The following FRMD8 variants were observed in gnomAD, a reference collection of about 807,000 sequenced individuals.
FRMD8 encodes the protein FERM domain containing 8, also known as FERM domain-containing protein 8.
In FRMD8, 37 loss-of-function variants were observed where a neutral mutation model predicts 54.2. That is an observed-to-expected ratio of 0.68 (90% CI 0.53 to 0.90). FRMD8 has a LOEUF of 0.90. Among genes scored for constraint, FRMD8 ranks in the 40% least tolerant of loss-of-function variants. The pLI is 0.00. For missense variants in FRMD8, 585 were observed against 653.7 expected, an observed-to-expected ratio of 0.89 and a Z score of 1.15; for synonymous variants, 246 against 286.9, an observed-to-expected ratio of 0.86 and a Z score of 1.44.
At chr11:65,407,778 T>G (rs1489437672) in intron 10 of FRMD8, among the ~76,000 whole-genome samples, 1 of 150,686 alleles carries the variant, frequency 6.6e-6, no homozygotes, top group African/African-American at 2.4e-5. Flanking sequence ...GTGCCTGTAG[T>G]CCCAGCTACT....
At chr11:65,374,943 G>A in the FRMD8 span, among the ~76,000 whole-genome samples, 1 of 151,458 alleles carries the variant, frequency 6.6e-6, no homozygotes, top group Non-Finnish European at 1.5e-5. Context: ...CTCCAGCCTG[G>A]GCAACAGAGT....
rs1855747459 is a variant in FRMD8, at chr11:65,387,061, G to A, written c.25G>A (p.Gly9Arg). The change falls in exon 2 of 11, where the codon GGG becomes AGG. Residue 9 changes from glycine to arginine, a missense_variant. Coordinates refer to ENST00000317568, the MANE Select transcript of FRMD8 (RefSeq NM_031904.5). ...GATGGACGGGACAGAAGGCAGTGCC[G>A]GGCAGCCCGGCCCCGCTGAGCGATC... MDGTEGSA[G>R]QPGPAERSHR... 1 of 1,609,268 alleles carries A rather than the reference G, an allele frequency of 6.2e-7. No individual in the cohort carries two copies.
intron 9 of FRMD8, among the ~76,000 whole-genome samples, chr11:65,403,518 C>T (rs1473921837): frequency 2.6e-5 from 4 of 152,198 alleles, no homozygotes; most frequent in African/African-American, 4.8e-5. Context: ...GTCGTGTGGT[C>T]TGTGAGTTGG....
At chr11:65,397,729 T>G (rs992957550) in intron 7 of FRMD8, among the ~76,000 whole-genome samples, 1 of 152,120 alleles carries the variant, frequency 6.6e-6, no homozygotes, top group Non-Finnish European at 1.5e-5. Context: ...GTTTTTGTTT[T>G]GAGACAGGGT....
chr11:65,389,802 A>G (rs1207571494), intron 3 of FRMD8, among the ~76,000 whole-genome samples: 1 of 152,076 alleles, frequency 6.6e-6, no homozygotes. Flanking sequence ...GTGGTCCAGG[A>G]ACAGTACCGC....
intron 6 of FRMD8, among the ~76,000 whole-genome samples, chr11:65,395,894 C>G (rs984246070): frequency 6.6e-6 from 1 of 152,106 alleles, no homozygotes; most frequent in Non-Finnish European, 1.5e-5. Flanking sequence ...GGTGGGGGCT[C>G]TTTGTTCGGC....
chr11:65,376,033 G>T, the FRMD8 span: 1 of 218,634 alleles, frequency 4.6e-6, no homozygotes, highest in South Asian at 6.7e-5. Flanking sequence ...TCACGCCACT[G>T]CATTCCAGCC....
chr11:65,379,939 C>T, the FRMD8 span: 4 of 1,614,200 alleles, frequency 2.5e-6, no homozygotes, highest in Non-Finnish European at 8.5e-7. Flanking sequence ...GCAGCCTCAC[C>T]TGGGTGGGAG....
chr11:65,382,090 G>A (rs148841314), upstream of FRMD8: 12,105 of 767,800 alleles, frequency 0.016, 149 homozygotes, highest in South Asian at 0.027. This position sits in a 1 kb window ranked among gnomAD's most constrained non-coding sequence, Gnocchi z 4.4. Context: ...CTGGTGCCCA[G>A]ACCTCCGGCA....
chr11:65,406,589 A>G (rs1167836506), intron 10 of FRMD8, among the ~76,000 whole-genome samples: 1 of 151,620 alleles, frequency 6.6e-6, no homozygotes, highest in South Asian at 2.1e-4. Context: ...TGGCCTCCCA[A>G]AGTGCTGGGA....
At chr11:65,371,726 T>C in the FRMD8 span, among the ~76,000 whole-genome samples, 1 of 152,232 alleles carries the variant, frequency 6.6e-6, no homozygotes, top group African/African-American at 2.4e-5. Flanking sequence ...GTGATTCTCC[T>C]GCCTCAGCCT....
chr11:65,404,143 AC>A lies in FRMD8; in HGVS notation c.1072-718del, dbSNP rs1267342525. ...CTCCGCAGGGCCACTCCAGCATCTGACCCAGCCCCACCAGTCAGGAGCACAG... is the reference window on the plus strand; with the variant it reads ...CTCCGCAGGGCCACTCCAGCATCTGACCAGCCCCACCAGTCAGGAGCACAG... On this transcript the variant is annotated intron_variant, in intron 9 of 10. Coordinates refer to ENST00000317568, the MANE Select transcript of FRMD8 (RefSeq NM_031904.5). This position sits in a 1 kb window ranked among gnomAD's most constrained non-coding sequence, Gnocchi z 4.7. 1.3e-5 allele frequency among the ~76,000 whole-genome samples: 2 copies of A among 152,070 alleles called. No individual in the cohort carries two copies. The highest frequency in any genetic ancestry group is 2.9e-5 in the Non-Finnish European group (2 of 67,990).
At chr11:65,387,293 T>C in intron 2 of FRMD8, 172 bp downstream of exon 2, 2 of 718,566 alleles carry the variant, frequency 2.8e-6, no homozygotes, top group Non-Finnish European at 5.0e-6. Flanking sequence ...GTCACTAGTT[T>C]ACTGGCCAGG....
chr11:65,396,743 C>A, intron 6 of FRMD8, 56 bp from the exon 7 acceptor site: 3 of 1,223,812 alleles, frequency 2.5e-6, no homozygotes, highest in South Asian at 3.4e-5. Context: ...TCGCCCTCCC[C>A]CGTGAGCCTG....
At chr11:65,370,298 G>A in the FRMD8 span, among the ~76,000 whole-genome samples, 5 of 151,644 alleles carry the variant, frequency 3.3e-5, no homozygotes, top group African/African-American at 9.6e-5. Context: ...AAGAGAAGGT[G>A]CACGCCTGCA....
upstream of FRMD8, among the ~76,000 whole-genome samples, chr11:65,386,365 G>A (rs1420654243): frequency 6.6e-6 from 1 of 152,238 alleles, no homozygotes; most frequent in African/African-American, 2.4e-5. Flanking sequence ...AGCGTGGGCA[G>A]GCCAACGCCC....
chr11:65,376,287 C>G, the FRMD8 span: 133 of 1,306,192 alleles, frequency 1.0e-4, no homozygotes, highest in Middle Eastern at 1.9e-4. Context: ...GTGGGAGGCA[C>G]CTTGGTTAGG....
At chr11:65,369,816 T>G in the FRMD8 span, among the ~76,000 whole-genome samples, 1 of 147,150 alleles carries the variant, frequency 6.8e-6, no homozygotes, top group Non-Finnish European at 1.5e-5. Context: ...GCGGATCACC[T>G]GAGGTCAGGA....
chr11:65,399,972 G>T (rs1399802738), intron 8 of FRMD8, 113 bp downstream of exon 8: 2 of 1,298,332 alleles, frequency 1.5e-6, no homozygotes, highest in South Asian at 1.5e-5. Flanking sequence ...TGGACTGTCT[G>T]GGAGGGACCC....
Sources: gnomAD v4.1 joint callset for allele counts (sites outside exome capture counted in the v4.1 genomes callset) on GRCh38, gnomAD v4.1.1 for gene constraint, Gnocchi (gnomAD v3.1) non-coding constraint, MANE v1.5 for transcripts, NCBI Gene and HGNC (gene_info 2026-07-23, HGNC 2026-07-21) for gene names.